GPLD1: variants seen among roughly 807,000 people sequenced by gnomAD.
GPLD1 encodes the protein glycosylphosphatidylinositol specific phospholipase D1.
Under a neutral mutation model 112.6 loss-of-function variants are expected in GPLD1, and 84 were observed. That is an observed-to-expected ratio of 0.75 (90% CI 0.63 to 0.89). The LOEUF (loss-of-function observed/expected upper bound fraction) is 0.89, where lower values mean the gene tolerates loss of function less well. Ranked by LOEUF, GPLD1 falls within the 40% of genes least tolerant of loss-of-function variation. The pLI, the probability that GPLD1 is intolerant of heterozygous loss-of-function variation, is 0.00. For missense variants in GPLD1, 1,044 were observed against 1,051.5 expected, an observed-to-expected ratio of 0.99 and a Z score of 0.10; for synonymous variants, 386 against 403.8, an observed-to-expected ratio of 0.96 and a Z score of 0.53.
At chr6:24,484,085 T>G (rs1561859119) in intron 2 of GPLD1, among the ~76,000 whole-genome samples, 1 of 151,754 alleles carries the variant, frequency 6.6e-6, no homozygotes. Flanking sequence ...CCGGCTAATT[T>G]TTTGTATTTT....
chr6:24,475,013 A>G, intron 5 of GPLD1, 108 bp downstream of exon 5: 1 of 660,660 alleles, frequency 1.5e-6, no homozygotes, highest in Non-Finnish European at 2.8e-6. Context: ...TTTGGGCAGA[A>G]GTCTGAATAA....
chr6:24,445,686 T>C, intron 19 of GPLD1, 40 bp downstream of exon 19: 2 of 1,600,340 alleles, frequency 1.2e-6, no homozygotes, highest in Non-Finnish European at 1.7e-6. Context: ...AAAACTTCCT[T>C]GGAGTGTCCA....
intron 10 of GPLD1, among the ~76,000 whole-genome samples, chr6:24,465,816 CAGA>C (rs1763586573): frequency 6.6e-6 from 1 of 152,226 alleles, no homozygotes; most frequent in African/African-American, 2.4e-5. Context: ...CAAATTTCAA[CAGA>C]ATGTTTTACA....
chr6:24,427,720 C>A lies in GPLD1; in HGVS notation c.*1312G>T, dbSNP rs1183281009. On this transcript the variant is annotated 3_prime_UTR_variant, in exon 25 of 25. Coordinates refer to ENST00000230036, the MANE Select transcript of GPLD1 (RefSeq NM_001503.4). ...AATTAGCCGGGCGTAGTATTGTGCA[C>A]CTGTAGTCCCAGCTGCCTGGGAGGC... Among the ~76,000 whole-genome samples, 1 of 151,750 alleles carries A rather than the reference C, an allele frequency of 6.6e-6. No individual in the cohort carries two copies. The highest frequency in any genetic ancestry group is 2.4e-5 in the African/African-American group (1 of 41,274).
chr6:24,475,220 T>C lies in GPLD1; in HGVS notation c.342A>G (p.Lys114=). ...YPLPWEKDTE[K]LVAFLFGITS... ...TAATTCCAAACAAGAAAGCTACCAG[T>C]TTCTCTGTGTCCTGCCAAACAAGCA... The change falls in exon 5 of 25, where the codon AAA becomes AAG. Residue 114 remains lysine (K), a synonymous_variant. Transcript: ENST00000230036. 6.3e-7 allele frequency: 1 copy of C among 1,593,718 alleles called. No individual in the cohort carries two copies. The highest frequency in any genetic ancestry group is 1.3e-5 in the African/African-American group (1 of 74,638).
intron 22 of GPLD1, chr6:24,433,633 C>T (rs1260012768): frequency 7.4e-6 from 3 of 403,244 alleles, no homozygotes; most frequent in African/African-American, 4.2e-5. Flanking sequence ...GATGGAATTA[C>T]AGGCGCCCAC....
At chr6:24,487,469 G>A (rs1045678203) in intron 1 of GPLD1, among the ~76,000 whole-genome samples, 3 of 152,092 alleles carry the variant, frequency 2.0e-5, no homozygotes, top group Non-Finnish European at 4.4e-5. Context: ...GGTACTTAAT[G>A]AAGAAGGGCA....
chr6:24,444,864 G>C (rs753657852), intron 20 of GPLD1, among the ~76,000 whole-genome samples: 28 of 151,944 alleles, frequency 1.8e-4, no homozygotes, highest in Non-Finnish European at 4.0e-4. Context: ...AAAAATAAAA[G>C]ATAGGTCCTC....
intron 3 of GPLD1, among the ~76,000 whole-genome samples, chr6:24,479,582 AC>A (rs1248572056): frequency 6.6e-6 from 1 of 152,136 alleles, no homozygotes; most frequent in African/African-American, 2.4e-5. Flanking sequence ...ACAAACTCAG[AC>A]CTTTTGATCT....
intron 22 of GPLD1, 94 bp from the exon 23 acceptor site, chr6:24,433,483 AC>A: frequency 7.9e-6 from 4 of 508,946 alleles, no homozygotes; most frequent in East Asian, 3.8e-5. Flanking sequence ...CCTCATTTCT[AC>A]TTTTTTTTTT....
rs1035730314 is a variant in GPLD1 at position 24,478,573 on chromosome 6, T to A, written c.232+1308A>T. Among the ~76,000 whole-genome samples, 3 of 152,202 alleles carry A rather than the reference T, an allele frequency of 2.0e-5. No individual in the cohort carries two copies. The East Asian group carries it at 5.8e-4, about 29-fold the overall frequency. ...TGACTCTGAGGTCACCTGCTTCAACTAGCTTCGTGGCTCTCTGGCTTTGAT... is the reference window on the plus strand; with the variant it reads ...TGACTCTGAGGTCACCTGCTTCAACAAGCTTCGTGGCTCTCTGGCTTTGAT... On this transcript the variant is annotated intron_variant, in intron 3 of 24. Transcript: ENST00000230036.
intron 14 of GPLD1, among the ~76,000 whole-genome samples, chr6:24,451,873 T>C (rs1763102583): frequency 6.6e-6 from 1 of 152,188 alleles, no homozygotes; most frequent in South Asian, 2.1e-4. Flanking sequence ...AACCAATAAC[T>C]CAGGGCTCTG....
chr6:24,482,187 C>T (rs1243649194), intron 2 of GPLD1, among the ~76,000 whole-genome samples: 1 of 149,230 alleles, frequency 6.7e-6, no homozygotes, highest in Non-Finnish European at 1.5e-5. Context: ...GTAACCTCTG[C>T]CTTCCGGGTT....
chr6:24,449,714 C>T, intron 15 of GPLD1, 75 bp downstream of exon 15: 1 of 943,682 alleles, frequency 1.1e-6, no homozygotes, highest in South Asian at 1.5e-5. Flanking sequence ...AGGGGCTCAT[C>T]CCAGCGTTGG....
At chr6:24,477,510 G>C (rs1764060748) in intron 3 of GPLD1, among the ~76,000 whole-genome samples, 1 of 152,046 alleles carries the variant, frequency 6.6e-6, no homozygotes, top group South Asian at 2.1e-4. Context: ...CCTGAGGCCA[G>C]GAGGTTGAGA....
intron 2 of GPLD1, among the ~76,000 whole-genome samples, chr6:24,482,284 CTTT>C (rs1561858061): frequency 7.9e-6 from 1 of 126,746 alleles, no homozygotes; most frequent in African/African-American, 4.5e-5. Context: ...TATTTTTTTT[CTTT>C]TTTTCTTTTT....
At chr6:24,471,319 A>C (rs539546182) in intron 7 of GPLD1, among the ~76,000 whole-genome samples, 1 of 152,108 alleles carries the variant, frequency 6.6e-6, no homozygotes, top group Non-Finnish European at 1.5e-5. Flanking sequence ...ACATGGCAAG[A>C]CCTCATCTCT....
chr6:24,435,105 G>A (rs1350762135), intron 22 of GPLD1, among the ~76,000 whole-genome samples: 11 of 150,174 alleles, frequency 7.3e-5, no homozygotes, highest in Admixed American at 5.4e-4. Flanking sequence ...TCCGCCTCCC[G>A]GGTTCACGCC....
At chr6:24,483,373 G>T (rs115969063) in intron 2 of GPLD1, among the ~76,000 whole-genome samples, 9,147 of 151,378 alleles carry the variant, frequency 0.06, 816 homozygotes, top group African/African-American at 0.2. Context: ...ACAGACCAGT[G>T]AAATAGAATA....
Sources: gnomAD v4.1 joint callset for allele counts (sites outside exome capture counted in the v4.1 genomes callset) on GRCh38, gnomAD v4.1.1 for gene constraint, MANE v1.5 for transcripts, NCBI Gene and HGNC (gene_info 2026-07-23, HGNC 2026-07-21) for gene names.